The following CPNE7 variants were observed in gnomAD, a reference collection of about 807,000 sequenced individuals.
CPNE7 encodes copine-7.
CPNE7 carries 78 observed loss-of-function variants against 66.5 expected under a neutral mutation model. The observed-to-expected ratio is 1.17, with a 90% CI of 0.98 to 1.42. CPNE7 has a LOEUF of 1.42. CPNE7 is among the 40% of genes most tolerant of loss of function. The probability of loss-of-function intolerance (pLI) is 0.00; values close to 1 mark genes in which losing one functional copy is unlikely to be tolerated. For missense variants in CPNE7, 1,012 were observed against 776.6 expected, an observed-to-expected ratio of 1.30 and a Z score of -3.60; for synonymous variants, 468 against 336.7, an observed-to-expected ratio of 1.39 and a Z score of -4.27.
At chr16:89,594,219 G>T (rs993253763) in intron 13 of CPNE7, 1 of 148,178 alleles carries the variant, frequency 6.7e-6, no homozygotes, top group Non-Finnish European at 1.5e-5. Context: ...CTCATCTGGG[G>T]TTGGGAGGGG....
rs774604393 is a variant in CPNE7 at position 89,596,535 on chromosome 16, G to C, written c.1591G>C (p.Val531Leu). 1.9e-6 allele frequency: 3 copies of C among 1,610,164 alleles called. No individual in the cohort carries two copies. The South Asian group carries it at 3.3e-5, about 18-fold the overall frequency. The change falls in exon 15 of 15, where the codon GTG (valine) becomes CTG (leucine). Residue 531 changes from valine to leucine, a missense_variant. Coordinates refer to ENST00000319518, the MANE Select transcript of CPNE7 (RefSeq NM_153636.3). ...KCVLAEVPKQ[V>L]VEYYSHRGLP... ...CGTGCTGGCCGAGGTCCCGAAGCAG[G>C]TGGTGGAGTACTACAGCCACAGAGG...
intron 13 of CPNE7, among the ~76,000 whole-genome samples, chr16:89,593,040 G>A (rs2059199234): frequency 6.6e-6 from 1 of 151,444 alleles, no homozygotes; most frequent in Admixed American, 6.6e-5. Flanking sequence ...TCAAACTCCT[G>A]ACCTCAAGTG....
Position 89,591,015 on chromosome 16 carries a change from T to A in CPNE7, c.1125T>A (p.His375Gln). 1 of 1,613,554 alleles carries A rather than the reference T, an allele frequency of 6.2e-7. No individual in the cohort carries two copies. Among genetic ancestry groups the A allele is most frequent in the Non-Finnish European group, 8.5e-7 (1 of 1,179,824 alleles). The change falls in exon 12 of 15, where the codon CAT becomes CAA. Residue 375 changes from histidine (H) to glutamine (Q), a missense_variant. Transcript: ENST00000319518. ...ARIPPKYEVS[H>Q]DFAINFNPED... ...CTCTTGTTCCCACCCAGGTGTCCCA[T>A]GACTTTGCCATCAATTTCAACCCTG...
chr16:89,589,813 C>T (rs528990053), intron 10 of CPNE7, 84 bp from the exon 11 acceptor site: 25 of 1,473,194 alleles, frequency 1.7e-5, no homozygotes, highest in African/African-American at 6.9e-5. Flanking sequence ...GTCTTTTGGG[C>T]GCCAGTCATG....
At chr16:89,581,374 C>A (rs370061) in intron 2 of CPNE7, among the ~76,000 whole-genome samples, 2 of 152,260 alleles carry the variant, frequency 1.3e-5, no homozygotes, top group Non-Finnish European at 2.9e-5. Context: ...CGGAACATCC[C>A]GTCACCCGCA....
At chr16:89,594,519 C>T (rs1010468392) in intron 13 of CPNE7, among the ~76,000 whole-genome samples, 2 of 152,016 alleles carry the variant, frequency 1.3e-5, no homozygotes, top group African/African-American at 2.4e-5. Context: ...TGGGCTCCCG[C>T]TCTGCTGCTC....
At chr16:89,586,526 C>T (rs564279175) in intron 7 of CPNE7, 144 bp from the exon 8 acceptor site, 11 of 643,064 alleles carry the variant, frequency 1.7e-5, no homozygotes, top group South Asian at 1.3e-4. Context: ...CTGCCCCTTC[C>T]TGCTGCCCTG....
intron 13 of CPNE7, among the ~76,000 whole-genome samples, chr16:89,591,502 C>A (rs1362499533): frequency 6.6e-6 from 1 of 152,218 alleles, no homozygotes; most frequent in Non-Finnish European, 1.5e-5. Flanking sequence ...AGCGAGGCTG[C>A]CCCTCTCCTC....
At chr16:89,595,711 C>T (rs927815189) in intron 14 of CPNE7, 108 bp downstream of exon 14, 18 of 986,554 alleles carry the variant, frequency 1.8e-5, no homozygotes, top group Non-Finnish European at 2.7e-5. Flanking sequence ...TGGCAGGTCC[C>T]TTCTTGTGTC....
At chr16:89,580,636 C>T (rs1307597988) in intron 2 of CPNE7, among the ~76,000 whole-genome samples, 2 of 130,782 alleles carry the variant, frequency 1.5e-5, no homozygotes, top group East Asian at 2.5e-4. Flanking sequence ...ACCTGTCACA[C>T]GGAACATCCC....
intron 14 of CPNE7, among the ~76,000 whole-genome samples, chr16:89,596,283 G>C (rs187157618): frequency 6.6e-6 from 1 of 152,222 alleles, no homozygotes; most frequent in Non-Finnish European, 1.5e-5. Context: ...TCCGTGCTTG[G>C]GGGGCTGGAA....
intron 10 of CPNE7, among the ~76,000 whole-genome samples, chr16:89,589,389 T>G (rs2059135855): frequency 6.6e-6 from 1 of 152,202 alleles, no homozygotes; most frequent in African/African-American, 2.4e-5. Context: ...GTGTCCCGCT[T>G]TGCCAGAATA....
chr16:89,593,544 G>T (rs991190113), intron 13 of CPNE7, among the ~76,000 whole-genome samples: 5 of 151,870 alleles, frequency 3.3e-5, no homozygotes, highest in Admixed American at 2.6e-4. Flanking sequence ...AGTAGAGACG[G>T]GGTTTCACTG....
chr16:89,596,507 G>C lies in CPNE7; in HGVS notation c.1563G>C (p.Lys521Asn). Residue 521 changes from lysine to asparagine, a missense_variant, in exon 15 of 15, where the codon AAG becomes AAC. By Grantham distance (94) the Lys-to-Asn change is moderately conservative. Coordinates refer to ENST00000319518, the MANE Select transcript of CPNE7 (RefSeq NM_153636.3). ...LKNASPAALA[K>N]CVLAEVPKQV... ...AGGCATCCCCTGCGGCGCTGGCCAA[G>C]TGCGTGCTGGCCGAGGTCCCGAAGC... The C allele has an allele frequency of 6.2e-7, 1 of 1,609,760 alleles. No individual in the cohort carries two copies. Among genetic ancestry groups the C allele is most frequent in the Non-Finnish European group, 8.5e-7 (1 of 1,179,662 alleles).
In CPNE7 at chr16:89,584,107, G is replaced by A; in HGVS notation, c.507+5G>A. On this transcript the variant is annotated splice_donor_5th_base_variant and intron_variant, in intron 4 of 14. Coordinates refer to ENST00000319518, the MANE Select transcript of CPNE7 (RefSeq NM_153636.3). This position sits in a 1 kb window ranked among gnomAD's most constrained non-coding sequence, Gnocchi z 6.0. Reference sequence around the variant, plus strand: ...GCCAGGAAGCTGGACGACAAGGTGAGTGCAGGTGCCGGGCACGCCTGGCTC... The same window carrying A: ...GCCAGGAAGCTGGACGACAAGGTGAATGCAGGTGCCGGGCACGCCTGGCTC... 3 of 1,609,114 alleles carry A rather than the reference G, an allele frequency of 1.9e-6. No homozygotes were observed. The highest frequency in any genetic ancestry group is 2.5e-6 in the Non-Finnish European group (3 of 1,178,254).
In CPNE7 at chr16:89,585,797, G is replaced by A. The variant is rs576848057; in HGVS notation, c.780+12G>A. On this transcript the variant is annotated intron_variant, in intron 7 of 14. Transcript: ENST00000319518. ...TTGAGGAGGGGCAGGTGAGCAGGAC[G>A]GGGTAGGGGGTCCTCCAGGGAGGGT... The A allele has an allele frequency of 1.2e-5, 18 of 1,459,054 alleles. No homozygotes were observed. In the African/African-American group the frequency reaches 1.3e-4, roughly 10 times the overall value. 90.4% of individuals were successfully genotyped at this position (1,459,054 alleles called of 1,614,324 possible).
At chr16:89,576,782 G>A (rs1042424559) in intron 1 of CPNE7, among the ~76,000 whole-genome samples, 1 of 152,194 alleles carries the variant, frequency 6.6e-6, no homozygotes, top group African/African-American at 2.4e-5. Context: ...GCGCGGGCCC[G>A]GGCGGCTGCT....
chr16:89,584,454 A>C lies in CPNE7; in HGVS notation c.508-320A>C, dbSNP rs1441697057. On this transcript the variant is annotated intron_variant, in intron 4 of 14. Coordinates refer to ENST00000319518, the MANE Select transcript of CPNE7 (RefSeq NM_153636.3). This position sits in a 1 kb window ranked among gnomAD's most constrained non-coding sequence, Gnocchi z 6.0. The stretch of plus-strand genomic sequence containing the variant: ...CTGCGGGCTCGTCACGTGGGTGGGC[A>C]GAACAGGGTCCAACCCCGCCATGTA... Among the ~76,000 whole-genome samples the C allele has an allele frequency of 6.6e-6, 1 of 152,194 alleles. No homozygotes were observed. Among genetic ancestry groups the C allele is most frequent in the Admixed American group, 6.5e-5 (1 of 15,284 alleles).
chr16:89,584,833 C>T lies in CPNE7; in HGVS notation c.567C>T (p.Gly189=), dbSNP rs1293540600. 1.2e-5 allele frequency: 19 copies of T among 1,613,476 alleles called. No individual in the cohort carries two copies. Among genetic ancestry groups the T allele is most frequent in the Non-Finnish European group, 1.5e-5 (18 of 1,179,924 alleles). Residue 189 remains glycine, a synonymous_variant, in exon 5 of 15, where the codon GGC becomes GGT. Transcript: ENST00000319518. This position sits in a 1 kb window ranked among gnomAD's most constrained non-coding sequence, Gnocchi z 6.0. ...LELYRVNDDQ[G]LQLVYRTEVV... Reference sequence around the variant, plus strand: ...TCTACAGGGTCAACGACGACCAGGGCTTGCAGCTGGTGTACAGGACGGAGG... The same window carrying T: ...TCTACAGGGTCAACGACGACCAGGGTTTGCAGCTGGTGTACAGGACGGAGG...
Sources: allele counts gnomAD v4.1 joint callset (sites outside exome capture counted in the v4.1 genomes callset), GRCh38; gene constraint gnomAD v4.1.1; non-coding constraint Gnocchi (gnomAD v3.1); transcripts MANE v1.5; gene names NCBI Gene and HGNC (gene_info 2026-07-23, HGNC 2026-07-21).